Variants in GRID1 observed in about 807,000 individuals in gnomAD.
GRID1 encodes the protein glutamate ionotropic receptor delta type subunit 1, also known as glutamate receptor ionotropic, delta-1.
In GRID1, 28 loss-of-function variants were observed where a neutral mutation model predicts 98.0. That is an observed-to-expected ratio of 0.29 (90% confidence interval 0.21 to 0.39). The LOEUF (loss-of-function observed/expected upper bound fraction) is 0.39, where lower values mean the gene tolerates loss of function less well. GRID1 is among the 10% of genes least tolerant of loss of function. The pLI is 1.00. For missense variants in GRID1, 1,111 were observed against 1,340.5 expected, an observed-to-expected ratio of 0.83 and a Z score of 2.67; for synonymous variants, 553 against 538.5, an observed-to-expected ratio of 1.03 and a Z score of -0.37.
intron 4 of GRID1, among the ~76,000 whole-genome samples, chr10:85,929,565 C>G (rs1185995001): frequency 1.3e-5 from 2 of 152,156 alleles, no homozygotes; most frequent in South Asian, 2.1e-4. Flanking sequence ...CTGGCAAGAG[C>G]CTTGTGCCGT....
At chr10:86,266,018 C>T (rs1433379659) in intron 2 of GRID1, among the ~76,000 whole-genome samples, 1 of 152,080 alleles carries the variant, frequency 6.6e-6, no homozygotes, top group Non-Finnish European at 1.5e-5. Flanking sequence ...CCAGTGACCC[C>T]TCTCAGAGGC....
chr10:86,195,942 C>T lies in GRID1; in HGVS notation c.520+10422G>A, dbSNP rs557220116. Among the ~76,000 whole-genome samples, 10 of 152,192 alleles carry T rather than the reference C, an allele frequency of 6.6e-5. No homozygotes were observed. The highest frequency in any genetic ancestry group is 2.4e-5 in the African/African-American group (1 of 41,574). On this transcript the variant is annotated intron_variant, in intron 3 of 15. Coordinates refer to ENST00000327946, the MANE Select transcript of GRID1 (RefSeq NM_017551.3). This position sits in a 1 kb window ranked among gnomAD's most constrained non-coding sequence, Gnocchi z 4.4. ...AATGCAACCAGAGAGAACGGGCTTC[C>T]GTTCTTGAGCATCCTTACTACACAG...
chr10:86,184,332 G>A (rs78415972), intron 3 of GRID1, among the ~76,000 whole-genome samples: 2,406 of 152,084 alleles, frequency 0.016, 74 homozygotes, highest in African/African-American at 0.056. Flanking sequence ...GCCTAACCTA[G>A]GGTCACAATG....
At chr10:85,694,707 A>G (rs897202060) in intron 12 of GRID1, among the ~76,000 whole-genome samples, 14 of 150,758 alleles carry the variant, frequency 9.3e-5, no homozygotes, top group Non-Finnish European at 1.6e-4. Context: ...AGAAACACAA[A>G]GTCAAATTCC....
At chr10:86,122,306 G>A (rs962077334) in intron 4 of GRID1, among the ~76,000 whole-genome samples, 1 of 152,220 alleles carries the variant, frequency 6.6e-6, no homozygotes, top group Non-Finnish European at 1.5e-5. Flanking sequence ...CCTACCCTGA[G>A]GACAGGTACC....
chr10:86,184,655 T>C (rs959996633), intron 3 of GRID1, among the ~76,000 whole-genome samples: 4 of 152,204 alleles, frequency 2.6e-5, no homozygotes, highest in South Asian at 4.1e-4. Flanking sequence ...AAAAACACAC[T>C]GTATTGATTA....
At chr10:85,662,958 T>G (rs1002463011) in intron 12 of GRID1, among the ~76,000 whole-genome samples, 1 of 152,066 alleles carries the variant, frequency 6.6e-6, no homozygotes, top group African/African-American at 2.4e-5. Flanking sequence ...AGATTTTGTT[T>G]CCCAAGCCCA....
At chr10:86,147,804 C>T (rs752196147) in intron 3 of GRID1, among the ~76,000 whole-genome samples, 68 of 152,304 alleles carry the variant, frequency 4.5e-4, no homozygotes, top group Middle Eastern at 3.4e-3. Flanking sequence ...AGCCCAGAAC[C>T]CCGACCACAT....
At chr10:85,696,843 A>G (rs890496204) in intron 12 of GRID1, among the ~76,000 whole-genome samples, 1 of 152,088 alleles carries the variant, frequency 6.6e-6, no homozygotes, top group African/African-American at 2.4e-5. Context: ...TTTAGCTAAT[A>G]CTTTAGCTAA....
chr10:86,311,836 C>G (rs1416189867), intron 2 of GRID1, among the ~76,000 whole-genome samples: 3 of 152,188 alleles, frequency 2.0e-5, no homozygotes, highest in African/African-American at 7.2e-5. Context: ...GAACTCCAGC[C>G]TGGGCAACAG....
intron 2 of GRID1, among the ~76,000 whole-genome samples, chr10:86,356,721 C>T (rs1001000342): frequency 5.3e-5 from 8 of 152,154 alleles, no homozygotes; most frequent in African/African-American, 9.7e-5. Flanking sequence ...ACTCATACAA[C>T]GGGAAACACA....
At chr10:86,332,241 A>T (rs1180231012) in intron 2 of GRID1, among the ~76,000 whole-genome samples, 1 of 152,166 alleles carries the variant, frequency 6.6e-6, no homozygotes, top group Admixed American at 6.5e-5. Context: ...ATCCAGGCCA[A>T]CTTCCTGCTG....
intron 4 of GRID1, among the ~76,000 whole-genome samples, chr10:85,917,918 T>G (rs1261047007): frequency 6.6e-6 from 1 of 152,200 alleles, no homozygotes; most frequent in African/African-American, 2.4e-5. Context: ...CACTTCAGCG[T>G]GGAGTCTCAG....
chr10:86,356,723 G>A (rs1203048055), intron 2 of GRID1, among the ~76,000 whole-genome samples: 1 of 152,196 alleles, frequency 6.6e-6, no homozygotes, highest in Non-Finnish European at 1.5e-5. Flanking sequence ...TCATACAACG[G>A]GAAACACAGA....
At chr10:86,108,011 C>T (rs1370541799) in intron 4 of GRID1, among the ~76,000 whole-genome samples, 5 of 152,306 alleles carry the variant, frequency 3.3e-5, no homozygotes, top group South Asian at 2.1e-4. Context: ...GCCCTTTGTC[C>T]GTGCGACAAG....
In GRID1 at chr10:85,917,298, CA is replaced by C. The variant is rs371471495; in HGVS notation, c.727-1060del. Among the ~76,000 whole-genome samples the C allele has an allele frequency of 9.0e-3, 1,325 of 147,676 alleles. 8 individuals are homozygous for C. Among genetic ancestry groups the C allele is most frequent in the African/African-American group, 0.022 (869 of 40,330 alleles). On this transcript the variant is annotated intron_variant, in intron 4 of 15. Coordinates refer to ENST00000327946, the MANE Select transcript of GRID1 (RefSeq NM_017551.3). Reference sequence around the variant, plus strand: ...AATGTAATTTTATTATTCCTTTTATCAAAAAAAAAATGCAGAAACATAAAAA... The same window carrying C: ...AATGTAATTTTATTATTCCTTTTATCAAAAAAAAATGCAGAAACATAAAAA...
intron 14 of GRID1, among the ~76,000 whole-genome samples, chr10:85,617,600 T>G (rs1842807235): frequency 6.6e-6 from 1 of 152,136 alleles, no homozygotes; most frequent in South Asian, 2.1e-4. Flanking sequence ...AAGGGATAAT[T>G]CCAGCCCAGG....
intron 4 of GRID1, among the ~76,000 whole-genome samples, chr10:86,085,898 C>T (rs1316342571): frequency 6.6e-6 from 1 of 152,142 alleles, no homozygotes; most frequent in Admixed American, 6.5e-5. Context: ...GGACCCATGG[C>T]CTGGGCATTG....
intron 13 of GRID1, among the ~76,000 whole-genome samples, chr10:85,633,559 G>A (rs1163402847): frequency 2.0e-5 from 3 of 152,210 alleles, no homozygotes; most frequent in African/African-American, 7.2e-5. Flanking sequence ...GAACTGTGCT[G>A]TGAGGATAGA....
Sources: allele counts gnomAD v4.1 joint callset (sites outside exome capture counted in the v4.1 genomes callset), GRCh38; gene constraint gnomAD v4.1.1; non-coding constraint Gnocchi (gnomAD v3.1); transcripts MANE v1.5; gene names NCBI Gene and HGNC (gene_info 2026-07-23, HGNC 2026-07-21).